Variants in GALNTL6 observed in about 807,000 individuals in gnomAD.
GALNTL6 encodes the protein polypeptide N-acetylgalactosaminyltransferase like 6.
A neutral mutation model predicts 73.7 loss-of-function variants in GALNTL6; 46 were observed. The observed-to-expected ratio is 0.62, with a 90% CI of 0.49 to 0.80. The LOEUF (loss-of-function observed/expected upper bound fraction) is 0.80, where lower values mean the gene tolerates loss of function less well. Ranked by LOEUF, GALNTL6 falls within the 30% of genes least tolerant of loss-of-function variation. The pLI is 0.00. For missense variants in GALNTL6, 604 were observed against 755.0 expected (o/e 0.80, Z 2.34); for synonymous variants, 259 against 263.7 (o/e 0.98, Z 0.17).
At chr4:172,726,037 T>A (rs1735777593) in intron 5 of GALNTL6, among the ~76,000 whole-genome samples, 1 of 151,846 alleles carries the variant, frequency 6.6e-6, no homozygotes, top group Non-Finnish European at 1.5e-5. Flanking sequence ...CTGCGGGGAG[T>A]CTGTTCCTTC....
chr4:172,238,250 T>C (rs1737307009), intron 3 of GALNTL6, among the ~76,000 whole-genome samples: 1 of 152,178 alleles, frequency 6.6e-6, no homozygotes, highest in African/African-American at 2.4e-5. Flanking sequence ...TGTTTTCCCA[T>C]TTGTTTATTT....
chr4:172,609,621 C>CTG (rs1295603452), intron 5 of GALNTL6, among the ~76,000 whole-genome samples: 58 of 27,414 alleles, frequency 2.1e-3, no homozygotes, highest in Non-Finnish European at 2.0e-3. Flanking sequence ...CTCTCTCTCT[C>CTG]TCTCTGTGTG....
chr4:172,189,956 A>G (rs1001988226), intron 2 of GALNTL6, among the ~76,000 whole-genome samples: 27 of 152,316 alleles, frequency 1.8e-4, no homozygotes, highest in African/African-American at 6.3e-4. Flanking sequence ...TTTTCAAACT[A>G]TTATCTCAAG....
intron 7 of GALNTL6, among the ~76,000 whole-genome samples, chr4:172,847,301 A>T (rs1244112630): frequency 6.6e-6 from 1 of 152,018 alleles, no homozygotes; most frequent in East Asian, 1.9e-4. Context: ...TTTTCCCTTT[A>T]TTACTCCTCT....
intron 10 of GALNTL6, among the ~76,000 whole-genome samples, chr4:172,991,440 C>A (rs2126456428): frequency 6.6e-6 from 1 of 151,936 alleles, no homozygotes; most frequent in East Asian, 1.9e-4. Flanking sequence ...GCTCTGTCAC[C>A]CAGGCTGCAG....
intron 5 of GALNTL6, among the ~76,000 whole-genome samples, chr4:172,670,981 G>T (rs1039229118): frequency 1.3e-5 from 2 of 151,896 alleles, no homozygotes; most frequent in Non-Finnish European, 2.9e-5. Flanking sequence ...CTCATTTCTG[G>T]GTTATCTATT....
At chr4:172,185,043 GTT>G (rs1016123750) in intron 2 of GALNTL6, among the ~76,000 whole-genome samples, 2 of 152,122 alleles carry the variant, frequency 1.3e-5, no homozygotes, top group Non-Finnish European at 2.9e-5. Flanking sequence ...TGAGTTCCAT[GTT>G]TTTCCTAAAC....
intron 2 of GALNTL6, among the ~76,000 whole-genome samples, chr4:172,178,440 C>T (rs951990862): frequency 1.3e-5 from 2 of 152,094 alleles, no homozygotes; most frequent in Non-Finnish European, 2.9e-5. Context: ...CCCCAACAGG[C>T]TGCAGTGTGT....
chr4:172,700,881 G>A (rs1273874497), intron 5 of GALNTL6, among the ~76,000 whole-genome samples: 1 of 152,088 alleles, frequency 6.6e-6, no homozygotes, highest in African/African-American at 2.4e-5. Flanking sequence ...TATGGAAAGA[G>A]GAGGGCCATA....
intron 5 of GALNTL6, among the ~76,000 whole-genome samples, chr4:172,483,006 G>GTA (rs143506457): frequency 0.61 from 92,006 of 150,986 alleles, 28,753 homozygotes; most frequent in South Asian, 0.8. Flanking sequence ...ATGAGTTTAT[G>GTA]TATATATATA....
At chr4:172,647,810 G>A (rs1464336562) in intron 5 of GALNTL6, among the ~76,000 whole-genome samples, 1 of 151,976 alleles carries the variant, frequency 6.6e-6, no homozygotes, top group Non-Finnish European at 1.5e-5. Context: ...AAGGAGGTAG[G>A]TCAATCTCCC....
chr4:172,966,993 C>T (rs564908537), intron 10 of GALNTL6, among the ~76,000 whole-genome samples: 2 of 152,308 alleles, frequency 1.3e-5, no homozygotes, highest in East Asian at 3.9e-4. Flanking sequence ...ACATAGCTAC[C>T]TCTGTCGTGG....
intron 2 of GALNTL6, among the ~76,000 whole-genome samples, chr4:172,183,608 A>G (rs1317716223): frequency 1.3e-5 from 2 of 152,146 alleles, no homozygotes; most frequent in Non-Finnish European, 2.9e-5. Flanking sequence ...TCTTATTGCC[A>G]TAAGATGACT....
chr4:172,144,331 G>A (rs894310787), intron 2 of GALNTL6, among the ~76,000 whole-genome samples: 4 of 152,050 alleles, frequency 2.6e-5, no homozygotes, highest in Non-Finnish European at 4.4e-5. Flanking sequence ...GAATTGTACC[G>A]AATTTACCAG....
At position 172,805,715 on chromosome 4, in the gene GALNTL6, A is replaced by G. The variant is rs1740916251; in HGVS notation, c.554-3646A>G. 3.3e-5 allele frequency among the ~76,000 whole-genome samples: 5 copies of G among 152,358 alleles called. No individual in the cohort carries two copies. In the South Asian group the frequency reaches 1.0e-3, roughly 32 times the overall value. On this transcript the variant is annotated intron_variant, in intron 5 of 12. Transcript: ENST00000506823. ...TCAAAAATGCAATACTTGAATTAAA[A>G]TAATAGAAAATTATATTTAAAATCA...
At chr4:172,026,673 A>G (rs1440950243) in intron 2 of GALNTL6, among the ~76,000 whole-genome samples, 1 of 152,170 alleles carries the variant, frequency 6.6e-6, no homozygotes, top group Middle Eastern at 3.4e-3. Context: ...TTTCATTTCT[A>G]TGGTTTTGTA....
Position 172,089,643 on chromosome 4 carries a change from T to C in GALNTL6, c.139-140013T>C, listed in dbSNP as rs568427566. 4.4e-4 allele frequency among the ~76,000 whole-genome samples: 67 copies of C among 152,314 alleles called. 2 individuals are homozygous for C. In the South Asian group the frequency reaches 0.013, roughly 31 times the overall value. ...AAAGCAAATGAATCAGGCTAGAATT[T>C]AGTAACAAGTGCACTATAGTTTCTT... On this transcript the variant is annotated intron_variant, in intron 2 of 12. Transcript: ENST00000506823.
intron 5 of GALNTL6, among the ~76,000 whole-genome samples, chr4:172,766,935 C>T (rs541968442): frequency 5.9e-5 from 9 of 152,284 alleles, no homozygotes; most frequent in African/African-American, 1.9e-4. Context: ...GGTAGAAGCA[C>T]CATTCTGACT....
Position 171,970,368 on chromosome 4 carries a change from GT to G in GALNTL6, c.138+155654del, listed in dbSNP as rs573130213. Reference sequence around the variant, plus strand: ...CCTTAATTAGAAATCAGAAGTAAAAGTTTTGTACTTTAGTAAGGATATTATA... The same window carrying G: ...CCTTAATTAGAAATCAGAAGTAAAAGTTTGTACTTTAGTAAGGATATTATA... On this transcript the variant is annotated intron_variant, in intron 2 of 12. Transcript: ENST00000506823. Among the ~76,000 whole-genome samples the G allele has an allele frequency of 1.3e-4, 20 of 152,290 alleles. No individual in the cohort carries two copies. In the East Asian group the frequency reaches 2.3e-3, roughly 18 times the overall value.
Sources: allele counts gnomAD v4.1 joint callset (sites outside exome capture counted in the v4.1 genomes callset), GRCh38; gene constraint gnomAD v4.1.1; transcripts MANE v1.5; gene names NCBI Gene and HGNC (gene_info 2026-07-23, HGNC 2026-07-21).